HLA-DPB1: variants seen among roughly 807,000 people sequenced by gnomAD.
HLA-DPB1 encodes the protein major histocompatibility complex, class II, DP beta 1, also known as HLA class II histocompatibility antigen, DP beta 1 chain.
HLA-DPB1 carries 30 observed loss-of-function variants against 29.4 expected under a neutral mutation model. The ratio of observed to expected loss-of-function variants is 1.02; its 90% CI spans 0.76 to 1.38. The LOEUF (loss-of-function observed/expected upper bound fraction) is 1.38, where lower values mean the gene tolerates loss of function less well. Among genes scored for constraint, HLA-DPB1 ranks in the 40% most tolerant of loss-of-function variants. The pLI, the probability that HLA-DPB1 is intolerant of heterozygous loss-of-function variation, is 0.00. For missense variants in HLA-DPB1, 261 were observed against 327.5 expected (o/e 0.80, Z 1.57); for synonymous variants, 114 against 134.0 (o/e 0.85, Z 1.03).
chr6:33,082,640 T>A (rs1762924113), intron 2 of HLA-DPB1, among the ~76,000 whole-genome samples: 1 of 152,068 alleles, frequency 6.6e-6, no homozygotes, highest in African/African-American at 2.4e-5. Context: ...ACTGCTATTA[T>A]TTGTCAGGGA....
At position 33,077,368 on chromosome 6, in the gene HLA-DPB1, G is replaced by A. The variant is rs546810021; in HGVS notation, c.100+1227G>A. On this transcript the variant is annotated intron_variant, in intron 1 of 5. Coordinates refer to ENST00000418931, the MANE Select transcript of HLA-DPB1 (RefSeq NM_002121.6). ...AGTCTTTGCTATTGTGAATAGTGCC[G>A]CAATAAACATATGTGTGCATGTGTC... 5.3e-5 allele frequency among the ~76,000 whole-genome samples: 8 copies of A among 152,036 alleles called. No individual in the cohort carries two copies. In the East Asian group the frequency reaches 5.8e-4, roughly 11 times the overall value.
At position 33,077,174 on chromosome 6, in the gene HLA-DPB1, G is replaced by T. The variant is rs1486916070; in HGVS notation, c.100+1033G>T. Among the ~76,000 whole-genome samples the T allele has an allele frequency of 2.0e-5, 3 of 149,836 alleles. No homozygotes were observed. In the East Asian group the frequency reaches 5.9e-4, roughly 29 times the overall value. ...TATGAGTGAGAACATGTGGTCTTTGGTTTTTTGTCCTTGCAATAGTTTGCT... is the reference window on the plus strand; with the variant it reads ...TATGAGTGAGAACATGTGGTCTTTGTTTTTTTGTCCTTGCAATAGTTTGCT... On this transcript the variant is annotated intron_variant, in intron 1 of 5. Coordinates refer to ENST00000418931, the MANE Select transcript of HLA-DPB1 (RefSeq NM_002121.6).
intron 5 of HLA-DPB1, 141 bp from the exon 6 acceptor site, chr6:33,086,398 C>T (rs1763106267): frequency 1.3e-6 from 1 of 760,712 alleles, no homozygotes; most frequent in Admixed American, 1.8e-5. Context: ...AAGAGCATTG[C>T]TTGGCTCCAT....
chr6:33,077,539 A>G (rs1203022302), intron 1 of HLA-DPB1, among the ~76,000 whole-genome samples: 1 of 152,210 alleles, frequency 6.6e-6, no homozygotes, highest in Admixed American at 6.5e-5. Context: ...GGCGATCATT[A>G]AAAAGTCAGG....
chr6:33,080,763 C>G lies in HLA-DPB1; in HGVS notation c.192C>G (p.Phe64Leu). The G allele has an allele frequency of 6.2e-7, 1 of 1,613,476 alleles. No homozygotes were observed. Among genetic ancestry groups the G allele is most frequent in the Non-Finnish European group, 8.5e-7 (1 of 1,179,800 alleles). ...LERYIYNREE[F>L]ARFDSDVGEF... ...GATACATCTACAACCGGGAGGAGTT[C>G]GCGCGCTTCGACAGCGACGTGGGGG... The change falls in exon 2 of 6, where the codon TTC (phenylalanine) becomes TTG (leucine). Residue 64 changes from phenylalanine (F) to leucine (L), a missense_variant. By Grantham distance (22) the Phe-to-Leu change is conservative. Transcript: ENST00000418931. This position sits in a 1 kb window ranked among gnomAD's most constrained non-coding sequence, Gnocchi z 4.3.
At position 33,084,365 on chromosome 6, in the gene HLA-DPB1, A is replaced by G. The variant is rs1763001223; in HGVS notation, c.365-585A>G. On this transcript the variant is annotated intron_variant, in intron 2 of 5. Coordinates refer to ENST00000418931, the MANE Select transcript of HLA-DPB1 (RefSeq NM_002121.6). ...ATACTTACTAACTATTATTTTATTC[A>G]AGATCATGCATGCTCTACTTGAAGG... Among the ~76,000 whole-genome samples the G allele has an allele frequency of 2.0e-5, 3 of 148,354 alleles. 1 individual carries two copies. In the South Asian group the frequency reaches 6.4e-4, roughly 32 times the overall value.
Position 33,087,667 on chromosome 6 carries a change from G to A in HLA-DPB1, c.*1133G>A, listed in dbSNP as rs1353583065. On this transcript the variant is annotated 3_prime_UTR_variant, in exon 6 of 6. Coordinates refer to ENST00000418931, the MANE Select transcript of HLA-DPB1 (RefSeq NM_002121.6). Reference sequence around the variant, plus strand: ...ACCTGTCCCTGGTCAATTCCCGAAAGCTACTGTGCTCCTCTTGCCCATCTC... The same window carrying A: ...ACCTGTCCCTGGTCAATTCCCGAAAACTACTGTGCTCCTCTTGCCCATCTC... Among the ~76,000 whole-genome samples the A allele has an allele frequency of 6.6e-6, 1 of 152,174 alleles. No homozygotes were observed. The highest frequency in any genetic ancestry group is 1.5e-5 in the Non-Finnish European group (1 of 68,022).
At position 33,080,361 on chromosome 6, in the gene HLA-DPB1, C is replaced by T. The variant is rs911470469; in HGVS notation, c.101-311C>T. On this transcript the variant is annotated intron_variant, in intron 1 of 5. Coordinates refer to ENST00000418931, the MANE Select transcript of HLA-DPB1 (RefSeq NM_002121.6). The surrounding 1 kb of genome is among the most constrained non-coding windows in gnomAD (Gnocchi z 4.3). ...TTTCTCCCAGTGACCCCACGTGAAA[C>T]GTCTCCGCCTCCTCCAGCCACCAGC... 5.3e-6 allele frequency: 3 copies of T among 571,096 alleles called. No individual in the cohort carries two copies. Among genetic ancestry groups the T allele is most frequent in the African/African-American group, 1.9e-5 (1 of 53,202 alleles). The allele number at this position is 571,096 out of a possible 1,614,324, so 35.4% of individuals were successfully genotyped here. A position where few individuals can be genotyped will look rare whatever the true frequency, so the allele number is the denominator to read the frequency against.
In HLA-DPB1 at chr6:33,081,121, C is replaced by CT. The variant is rs377749958; in HGVS notation, c.364+187dup. The CT allele has an allele frequency of 1.3e-3, 844 of 673,094 alleles. 9 individuals are homozygous for CT. The African/African-American group carries it at 0.014, about 12-fold the overall frequency. The allele number at this position is 673,094 out of a possible 1,614,324, so 41.7% of individuals were successfully genotyped here. A position where few individuals can be genotyped will look rare whatever the true frequency, so the allele number is the denominator to read the frequency against. On this transcript the variant is annotated intron_variant, in intron 2 of 5. Coordinates refer to ENST00000418931, the MANE Select transcript of HLA-DPB1 (RefSeq NM_002121.6). ...AGCGAGCGCGGGGACCTGGACTGGG[C>CT]TGAGCATGGAGTGAGGAGGACGAGA...
At chr6:33,086,269 T>C (rs9277493) in intron 5 of HLA-DPB1, 27 bp downstream of exon 5, 1 of 1,501,990 alleles carries the variant, frequency 6.7e-7, no homozygotes. Context: ...GATTTCCTTG[T>C]GGGGTGGGTT....
chr6:33,077,873 C>G (rs141779368), intron 1 of HLA-DPB1, among the ~76,000 whole-genome samples: 100 of 150,892 alleles, frequency 6.6e-4, no homozygotes, highest in Middle Eastern at 3.4e-3. Flanking sequence ...AACCTCTTAT[C>G]TATTACCTTG....
intron 1 of HLA-DPB1, chr6:33,079,645 CAACA>C: frequency 2.1e-6 from 1 of 470,958 alleles, no homozygotes; most frequent in South Asian, 1.6e-5. Context: ...GCAACAACAA[CAACA>C]AAAAAAACAT....
chr6:33,081,718 G>A (rs374545273), intron 2 of HLA-DPB1, among the ~76,000 whole-genome samples: 12 of 152,262 alleles, frequency 7.9e-5, no homozygotes, highest in African/African-American at 2.4e-4. Context: ...TGAGTGTGGC[G>A]CATCCTCCTC....
At chr6:33,076,442 G>A (rs1203222836) in intron 1 of HLA-DPB1, among the ~76,000 whole-genome samples, 1 of 152,176 alleles carries the variant, frequency 6.6e-6, no homozygotes, top group Admixed American at 6.5e-5. Context: ...GGTTTGCAGA[G>A]AGAGAAGTTG....
chr6:33,085,471 A>G (rs9277459), intron 3 of HLA-DPB1, among the ~76,000 whole-genome samples: 57,572 of 151,704 alleles, frequency 0.38, 12,305 homozygotes, highest in East Asian at 0.64. Context: ...AGGGACACTG[A>G]CTGGTCTCGA....
intron 3 of HLA-DPB1, 102 bp from the exon 4 acceptor site, chr6:33,085,676 TC>T (rs2150378128): frequency 1.2e-6 from 1 of 830,134 alleles, no homozygotes; most frequent in East Asian, 2.5e-5. Context: ...CGCTGCACTG[TC>T]CTCATCCCGA....
chr6:33,085,728 T>C (rs761791623), intron 3 of HLA-DPB1, 51 bp from the exon 4 acceptor site: 50 of 1,166,900 alleles, frequency 4.3e-5, no homozygotes, highest in Non-Finnish European at 6.2e-5. Flanking sequence ...AGGACATGAG[T>C]AGGGATGCAG....
At position 33,087,198 on chromosome 6, in the gene HLA-DPB1, T is replaced by TTTC. The variant is rs1763146758; in HGVS notation, c.*665_*666insTCT. Reference sequence around the variant, plus strand: ...AATCATAAATATAATCTAATACACTTTAACCATTTTCTTTGTGTGCCATCA... The same window carrying TTTC: ...AATCATAAATATAATCTAATACACTTTTCTAACCATTTTCTTTGTGTGCCATCA... On this transcript the variant is annotated 3_prime_UTR_variant, in exon 6 of 6. Coordinates refer to ENST00000418931, the MANE Select transcript of HLA-DPB1 (RefSeq NM_002121.6). 6.5e-6 allele frequency: 1 copy of TTTC among 153,168 alleles called. No individual in the cohort carries two copies. Among genetic ancestry groups the TTTC allele is most frequent in the Non-Finnish European group, 1.5e-5 (1 of 68,688 alleles). The allele number at this position is 153,168 out of a possible 1,614,324, so 9.5% of individuals were successfully genotyped here.
chr6:33,081,693 G>T (rs1165550604), intron 2 of HLA-DPB1, among the ~76,000 whole-genome samples: 1 of 152,134 alleles, frequency 6.6e-6, no homozygotes, highest in Non-Finnish European at 1.5e-5. Flanking sequence ...TGGAATGGGA[G>T]GGGGTGCATG....
Sources: allele counts gnomAD v4.1 joint callset (sites outside exome capture counted in the v4.1 genomes callset), GRCh38; gene constraint gnomAD v4.1.1; non-coding constraint Gnocchi (gnomAD v3.1); transcripts MANE v1.5; gene names NCBI Gene and HGNC (gene_info 2026-07-23, HGNC 2026-07-21).